TTC6: variants seen among roughly 807,000 people sequenced by gnomAD.
The protein encoded by TTC6 is tetratricopeptide repeat domain 6.
TTC6 carries 172 observed loss-of-function variants against 210.4 expected under a neutral mutation model. That is an observed-to-expected ratio of 0.82 (90% confidence interval 0.72 to 0.93). The LOEUF is 0.93. TTC6 is among the 40% of genes least tolerant of loss of function. TTC6 has a pLI of 0.00. For missense variants in TTC6, 2,414 were observed against 2,318.1 expected (o/e 1.04, Z -0.85); for synonymous variants, 804 against 819.6 (o/e 0.98, Z 0.32).
intron 1 of TTC6, among the ~76,000 whole-genome samples, chr14:37,644,116 C>G (rs562099678): frequency 6.6e-6 from 1 of 152,180 alleles, no homozygotes; most frequent in African/African-American, 2.4e-5. Context: ...AACTAAGTAT[C>G]GAGTTACAAT....
chr14:37,771,196 T>C (rs2096017291), intron 14 of TTC6, among the ~76,000 whole-genome samples: 1 of 152,210 alleles, frequency 6.6e-6, no homozygotes. Context: ...TGGGCTTCCC[T>C]TTGAGGGTAA....
At chr14:37,771,536 C>T (rs1010996144) in intron 14 of TTC6, among the ~76,000 whole-genome samples, 5 of 152,150 alleles carry the variant, frequency 3.3e-5, no homozygotes, top group Admixed American at 6.6e-5. Context: ...CTTCCCTTCT[C>T]GCTTCATTTC....
intron 14 of TTC6, among the ~76,000 whole-genome samples, chr14:37,764,189 T>C (rs1485391543): frequency 1.1e-4 from 17 of 152,164 alleles, no homozygotes; most frequent in Admixed American, 5.2e-4. Context: ...TGTTATGGCC[T>C]AACATATGGT....
intron 6 of TTC6, among the ~76,000 whole-genome samples, chr14:37,722,316 T>C (rs953542896): frequency 3.5e-4 from 53 of 152,160 alleles, no homozygotes; most frequent in African/African-American, 1.2e-3. Flanking sequence ...CCTAGGACTC[T>C]TCTCAGAAAG....
At chr14:37,664,591 G>A (rs1466340676) in intron 1 of TTC6, among the ~76,000 whole-genome samples, 1 of 150,508 alleles carries the variant, frequency 6.6e-6, no homozygotes, top group Non-Finnish European at 1.5e-5. Flanking sequence ...AGAGGTATGG[G>A]CAAAGATTTC....
intron 1 of TTC6, among the ~76,000 whole-genome samples, chr14:37,638,699 G>A (rs2095685748): frequency 6.6e-6 from 1 of 152,166 alleles, no homozygotes. Context: ...TATCACTGTT[G>A]ATATCCTGGT....
intron 29 of TTC6, 70 bp downstream of exon 31, chr14:37,827,436 G>A (rs2139515990): frequency 7.0e-7 from 1 of 1,427,448 alleles, no homozygotes; most frequent in Non-Finnish European, 9.6e-7. Context: ...TAGCTTCAAA[G>A]TATAATTCAT....
chr14:37,777,235 A>C (rs8016889), intron 14 of TTC6, among the ~76,000 whole-genome samples: 1 of 151,970 alleles, frequency 6.6e-6, no homozygotes, highest in East Asian at 1.9e-4. Context: ...AGGAATGCCA[A>C]TGAATCATAG....
chr14:37,597,429 CAA>C (rs907112029), intron 1 of TTC6, among the ~76,000 whole-genome samples: 10 of 151,096 alleles, frequency 6.6e-5, no homozygotes, highest in African/African-American at 1.9e-4. Context: ...TTATAGTGCA[CAA>C]AAAAGTTGGC....
chr14:37,699,159 T>C (rs974923539), intron 4 of TTC6, among the ~76,000 whole-genome samples: 4 of 152,338 alleles, frequency 2.6e-5, no homozygotes, highest in South Asian at 2.1e-4. Context: ...CAGAGAAGTC[T>C]GTCCTTGAGG....
At chr14:37,625,011 T>A (rs531318045) in intron 1 of TTC6, among the ~76,000 whole-genome samples, 1 of 152,244 alleles carries the variant, frequency 6.6e-6, no homozygotes, top group South Asian at 2.1e-4. Context: ...ATCAAGTGTA[T>A]CTTGGACAGC....
chr14:37,611,974 T>C (rs779146723), intron 2 of TTC6, among the ~76,000 whole-genome samples: 1 of 148,520 alleles, frequency 6.7e-6, no homozygotes, highest in African/African-American at 2.5e-5. Flanking sequence ...GCTGCAGAAA[T>C]TTAAAGGAGA....
chr14:37,704,044 T>A (rs2095830641), intron 5 of TTC6, among the ~76,000 whole-genome samples: 2 of 152,178 alleles, frequency 1.3e-5, no homozygotes, highest in African/African-American at 2.4e-5. Flanking sequence ...CATTCAAGAT[T>A]GTTTGTGAAC....
chr14:37,696,836 G>T lies in TTC6; in HGVS notation c.1376+1G>T. The T allele has an allele frequency of 2.4e-6, 3 of 1,274,162 alleles. No homozygotes were observed. The highest frequency in any genetic ancestry group is 2.1e-4 in the Middle Eastern group (1 of 4,756). 78.9% of individuals were successfully genotyped at this position (1,274,162 alleles called of 1,614,324 possible). A position where few individuals can be genotyped will look rare whatever the true frequency, so the allele number is the denominator to read the frequency against. Reference sequence around the variant, plus strand: ...TTTGTGATAAAAAACTACATAAAAAGTAATTTTCTTAAATTTATAATTTTT... The same window carrying T: ...TTTGTGATAAAAAACTACATAAAAATTAATTTTCTTAAATTTATAATTTTT... On this transcript the variant is annotated splice_donor_variant, in intron 4 of 30. Transcript: ENST00000553443. LOFTEE classifies it high-confidence loss of function.
chr14:37,732,742 C>T (rs964330748), intron 7 of TTC6, among the ~76,000 whole-genome samples: 1 of 151,724 alleles, frequency 6.6e-6, no homozygotes, highest in Admixed American at 6.6e-5. Context: ...CTCAGCCTCC[C>T]GAGTAGCTGG....
At chr14:37,792,310 C>T in exon 17 of TTC6, 1 of 1,532,586 alleles carries the variant, frequency 6.5e-7, no homozygotes, top group South Asian at 1.2e-5. Context: ...ACATCTGCTA[C>T]ACCTGGATAA....
chr14:37,738,274 T>G (rs2138938921), intron 9 of TTC6, among the ~76,000 whole-genome samples: 1 of 151,504 alleles, frequency 6.6e-6, no homozygotes, highest in East Asian at 1.9e-4. Context: ...TTCTGTTACT[T>G]CCTATTATAA....
chr14:37,816,890 G>C (rs575733009), intron 25 of TTC6, among the ~76,000 whole-genome samples: 2 of 152,236 alleles, frequency 1.3e-5, no homozygotes, highest in East Asian at 3.9e-4. Context: ...AGAGCTCTGG[G>C]CTACGGTGGC....
At chr14:37,692,131 A>G (rs1303606385) in intron 3 of TTC6, among the ~76,000 whole-genome samples, 1 of 150,764 alleles carries the variant, frequency 6.6e-6, no homozygotes, top group Non-Finnish European at 1.5e-5. Flanking sequence ...TCTGAAAAAT[A>G]AACTAGAAGG....
Sources: gnomAD v4.1 joint callset for allele counts (sites outside exome capture counted in the v4.1 genomes callset) on GRCh38, gnomAD v4.1.1 for gene constraint, MANE v1.5 for transcripts, NCBI Gene and HGNC (gene_info 2026-07-23, HGNC 2026-07-21) for gene names.